The following MTHFD1L variants were observed in gnomAD, a reference collection of about 807,000 sequenced individuals.
The protein encoded by MTHFD1L is monofunctional C1-tetrahydrofolate synthase, mitochondrial.
Under a neutral mutation model 119.5 loss-of-function variants are expected in MTHFD1L, and 81 were observed. The observed-to-expected ratio is 0.68, with a 90% CI of 0.57 to 0.82. The LOEUF (loss-of-function observed/expected upper bound fraction) is 0.82. Ranked by LOEUF, MTHFD1L falls within the 40% of genes least tolerant of loss-of-function variation. The pLI is 0.00. For synonymous variants in MTHFD1L, 430 were observed against 475.2 expected (o/e 0.90, Z 1.24); for missense variants, 1,125 against 1,253.4 (o/e 0.90, Z 1.55).
intron 13 of MTHFD1L, among the ~76,000 whole-genome samples, chr6:150,940,528 C>T (rs976060416): frequency 6.6e-6 from 1 of 152,064 alleles, no homozygotes; most frequent in Non-Finnish European, 1.5e-5. Context: ...ATTGGTGTCC[C>T]GCTGGTTTAG....
At chr6:150,994,040 T>G (rs1321963094) in intron 20 of MTHFD1L, among the ~76,000 whole-genome samples, 2 of 93,246 alleles carry the variant, frequency 2.1e-5, no homozygotes, top group Non-Finnish European at 3.8e-5. Context: ...TAGGATTAGT[T>G]TTACCCACAA....
At position 150,956,078 on chromosome 6, in the gene MTHFD1L, G is replaced by T. The variant is rs377471367; in HGVS notation, c.1803+7G>T. 12 of 1,612,402 alleles carry T rather than the reference G, an allele frequency of 7.4e-6. No homozygotes were observed. Among genetic ancestry groups the T allele is most frequent in the Middle Eastern group, 3.3e-4 (2 of 6,074 alleles). On this transcript the variant is annotated splice_region_variant and intron_variant, in intron 17 of 27. Coordinates refer to ENST00000367321, the MANE Select transcript of MTHFD1L (RefSeq NM_015440.5). ...GAAGGGCCATTACCGGCAGGTAGGT[G>T]GTGCTTTCTTCCCGGGTGTGGCTCT...
At chr6:150,871,849 AATTTT>A (rs1377549045) in intron 1 of MTHFD1L, among the ~76,000 whole-genome samples, 7 of 148,458 alleles carry the variant, frequency 4.7e-5, no homozygotes, top group African/African-American at 1.5e-4. Flanking sequence ...ATTTTATTTT[AATTTT>A]ATTTTATTTT....
Position 150,917,141 on chromosome 6 carries a change from C to T in MTHFD1L, c.893-1436C>T, listed in dbSNP as rs568420449. Among the ~76,000 whole-genome samples, 4 of 152,058 alleles carry T rather than the reference C, an allele frequency of 2.6e-5. No individual in the cohort carries two copies. In the East Asian group the frequency reaches 7.7e-4, roughly 29 times the overall value. On this transcript the variant is annotated intron_variant, in intron 8 of 27. Transcript: ENST00000367321. ...TCATGTAACACTTTGACCAGTCTTA[C>T]CCTGTGAGTGTTTTCATCTGCCTTC... is the stretch of plus-strand genomic sequence containing the variant.
At chr6:151,055,859 C>T (rs1584347873) in intron 26 of MTHFD1L, 1 of 152,184 alleles carries the variant, frequency 6.6e-6, no homozygotes, top group Admixed American at 6.5e-5. Context: ...TTTTCACATC[C>T]TATCAGTTAC....
rs529462113 is a variant in MTHFD1L, at chr6:151,013,463, A to T, written c.2266-316A>T. On this transcript the variant is annotated intron_variant, in intron 21 of 27. Transcript: ENST00000367321. ...TTAGTTTTATGTTCTAATTTGAACCAATGTTTGAGAAGTTTCATACTGTTC... is the reference window on the plus strand; with the variant it reads ...TTAGTTTTATGTTCTAATTTGAACCTATGTTTGAGAAGTTTCATACTGTTC... Among the ~76,000 whole-genome samples the T allele has an allele frequency of 2.0e-5, 3 of 152,348 alleles. No homozygotes were observed. The South Asian group carries it at 6.2e-4, about 32-fold the overall frequency.
chr6:151,021,602 A>G (rs936986384), intron 24 of MTHFD1L, among the ~76,000 whole-genome samples: 9 of 152,140 alleles, frequency 5.9e-5, no homozygotes, highest in Admixed American at 5.2e-4. Flanking sequence ...TCCTCCTGTC[A>G]TGTTCACTTG....
At chr6:150,882,224 G>T (rs1781493686) in intron 4 of MTHFD1L, among the ~76,000 whole-genome samples, 1 of 152,172 alleles carries the variant, frequency 6.6e-6, no homozygotes, top group Non-Finnish European at 1.5e-5. Flanking sequence ...CTTTGGAAAG[G>T]CTTCTTGTGT....
At chr6:150,979,814 A>G (rs115901355) in intron 20 of MTHFD1L, among the ~76,000 whole-genome samples, 265 of 152,264 alleles carry the variant, frequency 1.7e-3, no homozygotes, top group African/African-American at 6.2e-3. Context: ...GGACAGTTTT[A>G]TAATCAGTCT....
chr6:150,980,710 T>TAAA (rs375964703), intron 20 of MTHFD1L, among the ~76,000 whole-genome samples: 148 of 120,962 alleles, frequency 1.2e-3, no homozygotes, highest in South Asian at 3.9e-3. Context: ...ACCCTGTCTC[T>TAAA]AAAAAAAAAA....
At chr6:150,942,398 A>G (rs803450) in intron 13 of MTHFD1L, among the ~76,000 whole-genome samples, 97,121 of 152,134 alleles carry the variant, frequency 0.64, 31,751 homozygotes, top group African/African-American at 0.79. Flanking sequence ...ACACTGCTGG[A>G]AAGTGTATGT....
chr6:150,968,915 C>G (rs1312106260), intron 19 of MTHFD1L, among the ~76,000 whole-genome samples: 2 of 136,026 alleles, frequency 1.5e-5, no homozygotes, highest in Admixed American at 1.7e-4. Flanking sequence ...ATGGTGTGAT[C>G]TTGGCTCACT....
Position 151,051,575 on chromosome 6 carries a change from C to T in MTHFD1L, c.2847+14458C>T, listed in dbSNP as rs564519677. 9.2e-5 allele frequency among the ~76,000 whole-genome samples: 14 copies of T among 152,246 alleles called. 1 individual carries two copies. Among genetic ancestry groups the T allele is most frequent in the South Asian group, 6.2e-4 (3 of 4,824 alleles). On this transcript the variant is annotated intron_variant, in intron 26 of 27. Transcript: ENST00000367321. Reference sequence around the variant, plus strand: ...TGGCTTTTCTTTTCAGTAGGTCAGTCGGCATGTACTCACAGGGCCGTGCAT... The same window carrying T: ...TGGCTTTTCTTTTCAGTAGGTCAGTTGGCATGTACTCACAGGGCCGTGCAT...
intron 7 of MTHFD1L, chr6:150,898,870 G>A (rs1024200428): frequency 2.2e-5 from 9 of 406,412 alleles, no homozygotes; most frequent in South Asian, 6.7e-5. Context: ...ACGGAGTCTC[G>A]TTCTGTCACC....
intron 24 of MTHFD1L, among the ~76,000 whole-genome samples, chr6:151,023,495 G>A (rs1784237317): frequency 6.6e-6 from 1 of 152,086 alleles, no homozygotes; most frequent in African/African-American, 2.4e-5. Flanking sequence ...TGCCAGGCAC[G>A]TCATTCAGCT....
At chr6:150,908,884 T>C (rs1156384284) in intron 8 of MTHFD1L, among the ~76,000 whole-genome samples, 1 of 152,106 alleles carries the variant, frequency 6.6e-6, no homozygotes, top group Non-Finnish European at 1.5e-5. Flanking sequence ...GAATAAACTT[T>C]TTGAAATATT....
At chr6:151,022,735 C>T (rs1347158551) in intron 24 of MTHFD1L, among the ~76,000 whole-genome samples, 1 of 152,182 alleles carries the variant, frequency 6.6e-6, no homozygotes, top group Non-Finnish European at 1.5e-5. Flanking sequence ...CTTTCTTCAG[C>T]GCTCCCTCTT....
chr6:151,076,771 G>A (rs1434795215), intron 26 of MTHFD1L, among the ~76,000 whole-genome samples: 7 of 151,986 alleles, frequency 4.6e-5, no homozygotes, highest in Admixed American at 2.6e-4. Flanking sequence ...ATCAATTTGG[G>A]GTCGTTTCTT....
chr6:151,067,418 C>T (rs370710601), intron 26 of MTHFD1L, among the ~76,000 whole-genome samples: 86 of 151,766 alleles, frequency 5.7e-4, no homozygotes, highest in African/African-American at 1.8e-3. Context: ...CGACCTCCTA[C>T]GTCCAAGCAA....
Sources: gnomAD v4.1 joint callset for allele counts (sites outside exome capture counted in the v4.1 genomes callset) on GRCh38, gnomAD v4.1.1 for gene constraint, MANE v1.5 for transcripts, NCBI Gene and HGNC (gene_info 2026-07-23, HGNC 2026-07-21) for gene names.